Variants in SPOCK1 observed in about 807,000 individuals in gnomAD.
The protein encoded by SPOCK1 is testican-1.
In SPOCK1, 23 loss-of-function variants were observed where a neutral mutation model predicts 55.3. The ratio of observed to expected loss-of-function variants is 0.42; its 90% CI spans 0.30 to 0.59. The LOEUF is 0.59. Among genes scored for constraint, SPOCK1 ranks in the 20% least tolerant of loss-of-function variants. The probability of loss-of-function intolerance (pLI) is 0.22; values close to 1 mark genes in which losing one functional copy is unlikely to be tolerated. For missense variants in SPOCK1, 499 were observed against 552.5 expected (o/e 0.90, Z 0.97); for synonymous variants, 226 against 221.0 (o/e 1.02, Z -0.20).
chr5:137,230,074 A>G (rs1756020543), intron 3 of SPOCK1, among the ~76,000 whole-genome samples: 1 of 152,230 alleles, frequency 6.6e-6, no homozygotes, highest in South Asian at 2.1e-4. Context: ...AGTCAGAGAC[A>G]AGATTGGATA....
intron 3 of SPOCK1, among the ~76,000 whole-genome samples, chr5:137,209,243 C>T (rs1425234714): frequency 6.6e-6 from 1 of 152,196 alleles, no homozygotes; most frequent in Admixed American, 6.5e-5. Flanking sequence ...GAATTACCCA[C>T]AAAGACTGTT....
chr5:137,381,124 G>A (rs997897219), intron 2 of SPOCK1, among the ~76,000 whole-genome samples: 3 of 151,996 alleles, frequency 2.0e-5, no homozygotes, highest in African/African-American at 7.2e-5. Flanking sequence ...AAACTGAGCA[G>A]GGCAGTAATT....
chr5:137,278,424 G>A (rs1757109390), intron 2 of SPOCK1, among the ~76,000 whole-genome samples: 1 of 152,172 alleles, frequency 6.6e-6, no homozygotes, highest in East Asian at 1.9e-4. Flanking sequence ...ACCACAAATG[G>A]ACCCACATTC....
chr5:137,116,416 G>A (rs947979666), intron 4 of SPOCK1, among the ~76,000 whole-genome samples: 35 of 151,974 alleles, frequency 2.3e-4, no homozygotes, highest in Middle Eastern at 3.2e-3. Flanking sequence ...AGGCTGAGGC[G>A]GGTGGATCAC....
At chr5:137,440,857 T>C (rs1366721680) in intron 2 of SPOCK1, among the ~76,000 whole-genome samples, 1 of 152,236 alleles carries the variant, frequency 6.6e-6, no homozygotes, top group Non-Finnish European at 1.5e-5. Flanking sequence ...GAATGTCTTA[T>C]GAAAATAATG....
intron 3 of SPOCK1, among the ~76,000 whole-genome samples, chr5:137,233,237 A>G (rs535321791): frequency 6.6e-6 from 1 of 152,308 alleles, no homozygotes; most frequent in Non-Finnish European, 1.5e-5. Flanking sequence ...ATATGAAATA[A>G]TTATACAACT....
intron 2 of SPOCK1, among the ~76,000 whole-genome samples, chr5:137,473,260 G>GA (rs957963567): frequency 6.6e-6 from 1 of 152,096 alleles, no homozygotes; most frequent in African/African-American, 2.4e-5. Flanking sequence ...CCACACAATG[G>GA]AAAAAATTCT....
At chr5:137,131,754 C>T (rs1218325789) in intron 4 of SPOCK1, among the ~76,000 whole-genome samples, 1 of 151,188 alleles carries the variant, frequency 6.6e-6, no homozygotes, top group Non-Finnish European at 1.5e-5. Flanking sequence ...GGGCGGATCA[C>T]GAGGTCAAGA....
At chr5:137,166,548 T>C (rs1457967365) in intron 3 of SPOCK1, among the ~76,000 whole-genome samples, 2 of 152,098 alleles carry the variant, frequency 1.3e-5, no homozygotes, top group African/African-American at 2.4e-5. Context: ...AACTGTGGTA[T>C]GTAAACTACT....
intron 2 of SPOCK1, among the ~76,000 whole-genome samples, chr5:137,300,900 G>A (rs951930646): frequency 3.3e-5 from 5 of 152,178 alleles, no homozygotes; most frequent in Admixed American, 2.0e-4. Flanking sequence ...TGTACCAAGT[G>A]CAGCTCTCTT....
At chr5:137,187,787 T>C (rs923040580) in intron 3 of SPOCK1, among the ~76,000 whole-genome samples, 15 of 152,272 alleles carry the variant, frequency 9.9e-5, no homozygotes, top group Non-Finnish European at 8.8e-5. Context: ...AAAAAGAGAA[T>C]GATAAAGCTG....
intron 2 of SPOCK1, among the ~76,000 whole-genome samples, chr5:137,391,684 C>T (rs1160622519): frequency 1.3e-5 from 2 of 152,038 alleles, no homozygotes; most frequent in Non-Finnish European, 2.9e-5. Flanking sequence ...CCTCCATGGT[C>T]AATTCCTCCT....
At chr5:137,419,708 C>T (rs1265491928) in intron 2 of SPOCK1, among the ~76,000 whole-genome samples, 3 of 152,092 alleles carry the variant, frequency 2.0e-5, no homozygotes, top group Admixed American at 6.6e-5. Context: ...TGGGCTGAGA[C>T]GATGGGGTTT....
intron 2 of SPOCK1, among the ~76,000 whole-genome samples, chr5:137,271,033 T>TAA (rs1756951928): frequency 6.6e-6 from 1 of 151,202 alleles, no homozygotes; most frequent in African/African-American, 2.4e-5. Context: ...ATTAATTAAT[T>TAA]TTTAAAAAGT....
At chr5:137,383,836 G>T (rs937119188) in intron 2 of SPOCK1, among the ~76,000 whole-genome samples, 1 of 152,134 alleles carries the variant, frequency 6.6e-6, no homozygotes, top group Non-Finnish European at 1.5e-5. Flanking sequence ...TTTCCCCCTT[G>T]GGGAGTCCTG....
intron 3 of SPOCK1, among the ~76,000 whole-genome samples, chr5:137,233,768 C>A (rs561668330): frequency 8.9e-6 from 1 of 112,276 alleles, no homozygotes; most frequent in East Asian, 2.7e-4. Context: ...TGTGACTTTG[C>A]CGATCTCACT....
intron 2 of SPOCK1, among the ~76,000 whole-genome samples, chr5:137,396,585 C>T (rs1284161561): frequency 6.6e-6 from 1 of 152,212 alleles, no homozygotes; most frequent in Non-Finnish European, 1.5e-5. Flanking sequence ...CCTGCTGCAC[C>T]TGCAGCTACC....
intron 3 of SPOCK1, among the ~76,000 whole-genome samples, chr5:137,157,516 C>A (rs111766741): frequency 0.043 from 6,572 of 152,220 alleles, 473 homozygotes; most frequent in African/African-American, 0.15. Flanking sequence ...CCAGAGGTGA[C>A]TCCCAGAGCA....
intron 5 of SPOCK1, among the ~76,000 whole-genome samples, chr5:137,103,988 A>C (rs756000461): frequency 6.6e-6 from 1 of 152,250 alleles, no homozygotes; most frequent in Non-Finnish European, 1.5e-5. Flanking sequence ...GTATACAGCA[A>C]AATCACGTGG....
Sources: gnomAD v4.1 joint callset for allele counts (sites outside exome capture counted in the v4.1 genomes callset) on GRCh38, gnomAD v4.1.1 for gene constraint, MANE v1.5 for transcripts, NCBI Gene and HGNC (gene_info 2026-07-23, HGNC 2026-07-21) for gene names.